RPS6KA2: variants seen among roughly 807,000 people sequenced by gnomAD.
RPS6KA2 encodes the protein ribosomal protein S6 kinase A2, also known as ribosomal protein S6 kinase alpha-2.
Under a neutral mutation model 91.8 loss-of-function variants are expected in RPS6KA2, and 42 were observed. The observed-to-expected ratio is 0.46, with a 90% CI of 0.36 to 0.59. The LOEUF (loss-of-function observed/expected upper bound fraction) is 0.59. Among genes scored for constraint, RPS6KA2 ranks in the 20% least tolerant of loss-of-function variants. RPS6KA2 has a pLI of 0.00. For missense variants in RPS6KA2, 798 were observed against 978.5 expected (o/e 0.82, Z 2.46); for synonymous variants, 414 against 393.6 (o/e 1.05, Z -0.61).
At chr6:166,861,601 T>G (rs1781048481) in intron 1 of RPS6KA2, among the ~76,000 whole-genome samples, 1 of 152,270 alleles carries the variant, frequency 6.6e-6, no homozygotes, top group South Asian at 2.1e-4. Flanking sequence ...CACCTCTTTA[T>G]CTGACCATTC....
At position 166,504,454 on chromosome 6, in the gene RPS6KA2, T is replaced by C. The variant is rs2128479931; in HGVS notation, c.566+52A>G. 6.5e-6 allele frequency: 7 copies of C among 1,076,700 alleles called. No homozygotes were observed. The South Asian group carries it at 9.5e-5, about 15-fold the overall frequency. The allele number at this position is 1,076,700 out of a possible 1,614,324, so 66.7% of individuals were successfully genotyped here. A position where few individuals can be genotyped will look rare whatever the true frequency, so the allele number is the denominator to read the frequency against. On this transcript the variant is annotated intron_variant, in intron 6 of 20. Coordinates refer to ENST00000265678, the MANE Select transcript of RPS6KA2 (RefSeq NM_021135.6). ...TGGCTACCAACATGGGCCAGGAAAA[T>C]ACATGGAGCTGATGGGCGTGGGGAA...
chr6:166,610,262 G>A (rs1031167418), intron 1 of RPS6KA2, among the ~76,000 whole-genome samples: 2 of 152,230 alleles, frequency 1.3e-5, no homozygotes, highest in Non-Finnish European at 2.9e-5. Context: ...CAGCCTGGCA[G>A]TAGCACAGAA....
At chr6:166,413,667 G>T in intron 20 of RPS6KA2, 127 bp downstream of exon 20, 2 of 935,136 alleles carry the variant, frequency 2.1e-6, no homozygotes, top group Non-Finnish European at 3.2e-6. Context: ...GGCCGGCGGT[G>T]CAGTTTGGGG....
chr6:166,741,277 C>T (rs1028005182), intron 2 of RPS6KA2, among the ~76,000 whole-genome samples: 1 of 152,078 alleles, frequency 6.6e-6, no homozygotes, highest in African/African-American at 2.4e-5. Flanking sequence ...CAGTGGATGG[C>T]GTTGGTGGGA....
rs901045977 is a variant in RPS6KA2, at chr6:166,770,315, A to G, written c.123+87885T>C. Among the ~76,000 whole-genome samples, 1 of 152,252 alleles carries G rather than the reference A, an allele frequency of 6.6e-6. No homozygotes were observed. Among genetic ancestry groups the G allele is most frequent in the Non-Finnish European group, 1.5e-5 (1 of 68,046 alleles). The stretch of plus-strand genomic sequence containing the variant: ...CTTGAAATAGGAGAAATCTACCTCC[A>G]TCTAAAATTATCTATTTTAGTCCTA... On this transcript the variant is annotated intron_variant, in intron 2 of 21. Transcript: ENST00000503859. This position sits in a 1 kb window ranked among gnomAD's most constrained non-coding sequence, Gnocchi z 5.1.
At chr6:166,447,357 G>A (rs1461959321) in intron 14 of RPS6KA2, among the ~76,000 whole-genome samples, 1 of 152,144 alleles carries the variant, frequency 6.6e-6, no homozygotes. Flanking sequence ...CACAGAGATG[G>A]TATCAGAGCA....
intron 2 of RPS6KA2, among the ~76,000 whole-genome samples, chr6:166,675,676 C>G (rs531225896): frequency 6.6e-6 from 1 of 152,306 alleles, no homozygotes; most frequent in Non-Finnish European, 1.5e-5. Context: ...CCTCTCATTT[C>G]AATCCTATTT....
chr6:166,826,569 T>G (rs376514053), intron 2 of RPS6KA2, among the ~76,000 whole-genome samples: 1 of 152,202 alleles, frequency 6.6e-6, no homozygotes, highest in East Asian at 1.9e-4. Flanking sequence ...GGTAAATCAC[T>G]GTTACAAAAG....
At chr6:166,640,491 G>A (rs991674166) in intron 2 of RPS6KA2, among the ~76,000 whole-genome samples, 4 of 152,180 alleles carry the variant, frequency 2.6e-5, no homozygotes, top group African/African-American at 7.2e-5. Flanking sequence ...CTCATCAGGG[G>A]AGCTCGGGAG....
intron 10 of RPS6KA2, among the ~76,000 whole-genome samples, chr6:166,470,660 C>A (rs886569527): frequency 2.0e-5 from 3 of 152,094 alleles, no homozygotes; most frequent in African/African-American, 7.2e-5. Flanking sequence ...CGCCACTGTC[C>A]CCCCAGAACG....
chr6:166,625,320 ACCAC>A (rs1261394495), intron 1 of RPS6KA2, among the ~76,000 whole-genome samples: 2 of 22,624 alleles, frequency 8.8e-5, no homozygotes, highest in African/African-American at 2.1e-4. Context: ...TCCTATTCCC[ACCAC>A]CCCCCCACCC....
intron 2 of RPS6KA2, among the ~76,000 whole-genome samples, chr6:166,814,386 C>T (rs1779710930): frequency 6.6e-6 from 1 of 152,206 alleles, no homozygotes; most frequent in Admixed American, 6.5e-5. Context: ...AGGAAAACAT[C>T]TTGGTAATAT....
At chr6:166,414,846 C>T (rs1039146091) in intron 19 of RPS6KA2, among the ~76,000 whole-genome samples, 2 of 152,214 alleles carry the variant, frequency 1.3e-5, no homozygotes, top group African/African-American at 4.8e-5. Flanking sequence ...AGGTGGATCA[C>T]TTGAGGTTAG....
At position 166,733,255 on chromosome 6, in the gene RPS6KA2, C is replaced by T. The variant is rs973053851; in HGVS notation, c.123+124945G>A. On this transcript the variant is annotated intron_variant, in intron 2 of 21. Coordinates refer to the RPS6KA2 transcript ENST00000503859. This position sits in a 1 kb window ranked among gnomAD's most constrained non-coding sequence, Gnocchi z 4.1. ...CCTTAGGCTGCAAGAGTCCTGTGGACGGCACTGTTCCCAAAGTCACAGACC... is the reference window on the plus strand; with the variant it reads ...CCTTAGGCTGCAAGAGTCCTGTGGATGGCACTGTTCCCAAAGTCACAGACC... Among the ~76,000 whole-genome samples, 5 of 152,150 alleles carry T rather than the reference C, an allele frequency of 3.3e-5. No homozygotes were observed. Among genetic ancestry groups the T allele is most frequent in the African/African-American group, 1.2e-4 (5 of 41,428 alleles).
At chr6:166,742,747 T>A (rs929748505) in intron 2 of RPS6KA2, among the ~76,000 whole-genome samples, 1 of 152,210 alleles carries the variant, frequency 6.6e-6, no homozygotes, top group African/African-American at 2.4e-5. Context: ...AATGCATCAT[T>A]TCATTAACTC....
intron 10 of RPS6KA2, among the ~76,000 whole-genome samples, chr6:166,487,907 A>C (rs1781463315): frequency 6.6e-6 from 1 of 152,230 alleles, no homozygotes; most frequent in Non-Finnish European, 1.5e-5. Flanking sequence ...GAAGGATTGC[A>C]AATGAATGCA....
intron 2 of RPS6KA2, among the ~76,000 whole-genome samples, chr6:166,804,752 C>G (rs1388913692): frequency 1.3e-5 from 2 of 152,078 alleles, no homozygotes; most frequent in African/African-American, 4.8e-5. Context: ...TGGCATCTCA[C>G]TGTGGGGAAA....
At chr6:166,517,445 CTT>C (rs1782684250) in intron 3 of RPS6KA2, among the ~76,000 whole-genome samples, 2 of 102,688 alleles carry the variant, frequency 1.9e-5, no homozygotes, top group East Asian at 4.9e-4. Context: ...TTAAGGCGTT[CTT>C]TTGTTTTGTT....
intron 2 of RPS6KA2, among the ~76,000 whole-genome samples, chr6:166,803,455 C>T (rs1037392289): frequency 2.6e-5 from 4 of 152,114 alleles, no homozygotes; most frequent in African/African-American, 7.2e-5. Context: ...CCCTCATGCC[C>T]GGCTCACAAG....
Sources: allele counts gnomAD v4.1 joint callset (sites outside exome capture counted in the v4.1 genomes callset), GRCh38; gene constraint gnomAD v4.1.1; non-coding constraint Gnocchi (gnomAD v3.1); transcripts MANE v1.5; gene names NCBI Gene and HGNC (gene_info 2026-07-23, HGNC 2026-07-21).